PPP1R13B: variants seen among roughly 807,000 people sequenced by gnomAD.
The protein encoded by PPP1R13B is apoptosis-stimulating of p53 protein 1.
In PPP1R13B, 44 loss-of-function variants were observed where a neutral mutation model predicts 119.8. The observed-to-expected ratio is 0.37, with a 90% CI of 0.29 to 0.47. The LOEUF (loss-of-function observed/expected upper bound fraction) is 0.47. Ranked by LOEUF, PPP1R13B falls within the 20% of genes least tolerant of loss-of-function variation. The probability of loss-of-function intolerance (pLI) is 0.99; values close to 1 mark genes in which losing one functional copy is unlikely to be tolerated. For synonymous variants in PPP1R13B, 542 were observed against 561.5 expected, an observed-to-expected ratio of 0.97 and a Z score of 0.49; for missense variants, 1,227 against 1,413.5, an observed-to-expected ratio of 0.87 and a Z score of 2.12.
chr14:103,787,354 C>G (rs924466230), intron 2 of PPP1R13B, among the ~76,000 whole-genome samples: 4 of 151,878 alleles, frequency 2.6e-5, no homozygotes, highest in African/African-American at 9.7e-5. Context: ...GAAGCTGAGG[C>G]AGAGAACTGC....
At chr14:103,846,835 G>C (rs1314379578) in intron 1 of PPP1R13B, 1 of 474,036 alleles carries the variant, frequency 2.1e-6, no homozygotes, top group African/African-American at 2.0e-5. Flanking sequence ...CGTGCACTCG[G>C]CACCTTTCCT....
At chr14:103,779,718 T>C (rs1245506218) in intron 3 of PPP1R13B, among the ~76,000 whole-genome samples, 2 of 151,586 alleles carry the variant, frequency 1.3e-5, no homozygotes, top group African/African-American at 4.9e-5. Flanking sequence ...GCCTAGGAGG[T>C]AGAGACTGCA....
At chr14:103,839,503 T>G (rs548273204) in intron 1 of PPP1R13B, among the ~76,000 whole-genome samples, 2 of 151,920 alleles carry the variant, frequency 1.3e-5, no homozygotes, top group Non-Finnish European at 2.9e-5. Context: ...GGTGCATGCC[T>G]GTAATCCCAG....
At chr14:103,754,846 C>A (rs2084637424) in intron 5 of PPP1R13B, among the ~76,000 whole-genome samples, 1 of 151,580 alleles carries the variant, frequency 6.6e-6, no homozygotes, top group South Asian at 2.1e-4. Context: ...GTGGCATGAT[C>A]TCGGCTCACT....
At chr14:103,820,571 C>T (rs1226911909) in intron 1 of PPP1R13B, among the ~76,000 whole-genome samples, 4 of 151,504 alleles carry the variant, frequency 2.6e-5, no homozygotes, top group African/African-American at 7.3e-5. Flanking sequence ...TCACTGCACC[C>T]TCAACTTCCT....
At chr14:103,760,713 C>A (rs554621218) in intron 4 of PPP1R13B, among the ~76,000 whole-genome samples, 20 of 152,324 alleles carry the variant, frequency 1.3e-4, no homozygotes, top group Admixed American at 4.6e-4. Context: ...TACTCATGAA[C>A]CCAGCTCACT....
intron 1 of PPP1R13B, among the ~76,000 whole-genome samples, chr14:103,814,324 G>C (rs561412565): frequency 6.6e-6 from 1 of 152,214 alleles, no homozygotes; most frequent in Admixed American, 6.5e-5. Flanking sequence ...ACTCCAGCCT[G>C]GGCGACAGAG....
At chr14:103,783,606 C>T (rs2085385973) in intron 3 of PPP1R13B, among the ~76,000 whole-genome samples, 2 of 152,126 alleles carry the variant, frequency 1.3e-5, no homozygotes, top group South Asian at 4.1e-4. Context: ...GGCTGGAGTG[C>T]AGTGGCACAA....
intron 1 of PPP1R13B, among the ~76,000 whole-genome samples, chr14:103,846,308 G>A (rs920963118): frequency 6.6e-6 from 1 of 152,218 alleles, no homozygotes; most frequent in African/African-American, 2.4e-5. Context: ...AGAGGAAGAA[G>A]GGGGATCTAA....
chr14:103,760,882 C>T (rs1448193489), intron 4 of PPP1R13B, among the ~76,000 whole-genome samples: 2 of 152,178 alleles, frequency 1.3e-5, no homozygotes, highest in Admixed American at 1.3e-4. Flanking sequence ...CTCCAAACTT[C>T]CACAAATCTA....
In PPP1R13B at chr14:103,813,588, T is replaced by C. The variant is rs373491652; in HGVS notation, c.10-16070A>G. ...TCCTGTCAGCCTGTGAAGAGGTGCC[T>C]TCCGCCATGATTGTAAGTTCCTGAG... On this transcript the variant is annotated intron_variant, in intron 1 of 16. Transcript: ENST00000202556. Among the ~76,000 whole-genome samples, 8 of 152,320 alleles carry C rather than the reference T, an allele frequency of 5.3e-5. No homozygotes were observed. In the South Asian group the frequency reaches 8.3e-4, roughly 16 times the overall value.
chr14:103,752,615 G>A (rs2084578036), intron 7 of PPP1R13B, among the ~76,000 whole-genome samples: 3 of 147,110 alleles, frequency 2.0e-5, no homozygotes. Flanking sequence ...GCTTACTGCA[G>A]CTTCTGCCTC....
At chr14:103,813,041 C>T (rs1319384988) in intron 1 of PPP1R13B, among the ~76,000 whole-genome samples, 2 of 152,320 alleles carry the variant, frequency 1.3e-5, no homozygotes. Context: ...ATCCAGCAAT[C>T]CCACCACTTG....
At chr14:103,793,154 GGAAGGGAAGAGAAGGGAGA>G (rs2085669232) in intron 2 of PPP1R13B, among the ~76,000 whole-genome samples, 2 of 148,126 alleles carry the variant, frequency 1.4e-5, no homozygotes, top group Admixed American at 6.8e-5. Context: ...GGAAAGGAGG[GGAAGGGAAGAGAAGGGAGA>G]GAAGGGAAGA....
chr14:103,784,583 C>CAAAAAAAAAA (rs546875688), intron 3 of PPP1R13B, among the ~76,000 whole-genome samples: 3 of 60,570 alleles, frequency 5.0e-5, no homozygotes, highest in Admixed American at 2.6e-4. Flanking sequence ...ACTCTGTCTC[C>CAAAAAAAAAA]AAAAAAAAAA....
intron 3 of PPP1R13B, among the ~76,000 whole-genome samples, chr14:103,784,345 G>A (rs899838610): frequency 6.6e-6 from 1 of 152,110 alleles, no homozygotes; most frequent in African/African-American, 2.4e-5. Context: ...AACTCTGGGA[G>A]GCTGAGGTGG....
rs751638213 is a variant in PPP1R13B at position 103,787,650 on chromosome 14, A to AT, written c.158-2737dup. ...AAACACAGTGAGACTTAATTGCTACATTTTTTTTTTTTTTTTTTTTGAGAC... is the reference window on the plus strand; with the variant it reads ...AAACACAGTGAGACTTAATTGCTACATTTTTTTTTTTTTTTTTTTTTGAGAC... On this transcript the variant is annotated intron_variant, in intron 2 of 16. Coordinates refer to ENST00000202556, the MANE Select transcript of PPP1R13B (RefSeq NM_015316.3). Among the ~76,000 whole-genome samples the AT allele has an allele frequency of 5.0e-3, 568 of 113,612 alleles. 7 individuals are homozygous for AT. Among genetic ancestry groups the AT allele is most frequent in the Middle Eastern group, 0.016 (3 of 188 alleles). 74.5% of individuals were successfully genotyped at this position (113,612 alleles called of 152,430 possible).
At chr14:103,760,688 G>A (rs755487919) in intron 4 of PPP1R13B, among the ~76,000 whole-genome samples, 1 of 145,536 alleles carries the variant, frequency 6.9e-6, no homozygotes, top group Non-Finnish European at 1.5e-5. Flanking sequence ...TGGGTTCCAG[G>A]AACACTGTTT....
chr14:103,802,794 T>C (rs1014278246), intron 1 of PPP1R13B, among the ~76,000 whole-genome samples: 2 of 152,126 alleles, frequency 1.3e-5, no homozygotes, highest in Non-Finnish European at 2.9e-5. Context: ...CGATGACAGG[T>C]TGTAAATCTG....
Sources: gnomAD v4.1 joint callset for allele counts (sites outside exome capture counted in the v4.1 genomes callset) on GRCh38, gnomAD v4.1.1 for gene constraint, MANE v1.5 for transcripts, NCBI Gene and HGNC (gene_info 2026-07-23, HGNC 2026-07-21) for gene names.